PNKD: variants seen among roughly 807,000 people sequenced by gnomAD.
The protein encoded by PNKD is PNKD metallo-beta-lactamase domain containing.
PNKD carries 36 observed loss-of-function variants against 45.3 expected under a neutral mutation model. That is an observed-to-expected ratio of 0.80 (90% CI 0.61 to 1.05). PNKD has a LOEUF of 1.05. PNKD is among the 50% of genes least tolerant of loss of function. The pLI, the probability that PNKD is intolerant of heterozygous loss-of-function variation, is 0.00. For synonymous variants in PNKD, 197 were observed against 210.1 expected, an observed-to-expected ratio of 0.94 and a Z score of 0.54; for missense variants, 511 against 506.6, an observed-to-expected ratio of 1.01 and a Z score of -0.08.
chr2:218,279,468 G>T, intron 2 of PNKD: 3 of 893,748 alleles, frequency 3.4e-6, no homozygotes, highest in Non-Finnish European at 4.9e-6. Context: ...CTGCAGCCTG[G>T]CCCAGAGGCG....
At chr2:218,314,154 C>A (rs1311861894) in intron 2 of PNKD, among the ~76,000 whole-genome samples, 1 of 150,088 alleles carries the variant, frequency 6.7e-6, no homozygotes, top group Non-Finnish European at 1.5e-5. Context: ...AACTCCCAGC[C>A]TCAGGTGATC....
At chr2:218,335,657 A>G (rs1252362309) in intron 2 of PNKD, among the ~76,000 whole-genome samples, 1 of 152,146 alleles carries the variant, frequency 6.6e-6, no homozygotes, top group Non-Finnish European at 1.5e-5. Context: ...CAAAAAAAAA[A>G]GAAGGCCTAC....
chr2:218,271,962 G>A (rs1159495058), intron 2 of PNKD, among the ~76,000 whole-genome samples: 1 of 152,204 alleles, frequency 6.6e-6, no homozygotes, highest in Non-Finnish European at 1.5e-5. Flanking sequence ...ATATTAAAGA[G>A]AAAGGAGGAA....
rs1693126109 is a variant in PNKD, at chr2:218,295,782, G to T, written c.236+24233G>T. ...GCTCTGGTGGTGCCCCTGGGGTAGG[G>T]TTCCAGCTTTAGCAAATAAAGATGC... On this transcript the variant is annotated intron_variant, in intron 2 of 9. Coordinates refer to ENST00000273077, the MANE Select transcript of PNKD (RefSeq NM_015488.5). 2.0e-5 allele frequency among the ~76,000 whole-genome samples: 3 copies of T among 151,868 alleles called. No individual in the cohort carries two copies. In the South Asian group the frequency reaches 6.2e-4, roughly 31 times the overall value.
chr2:218,272,735 T>C, intron 2 of PNKD: 1 of 1,614,086 alleles, frequency 6.2e-7, no homozygotes, highest in South Asian at 1.1e-5. Flanking sequence ...CCCCGTCCCC[T>C]GATGTTGGGT....
intron 2 of PNKD, among the ~76,000 whole-genome samples, chr2:218,325,279 C>T (rs988178537): frequency 1.3e-4 from 18 of 139,594 alleles, no homozygotes; most frequent in African/African-American, 4.5e-4. Flanking sequence ...ACAATCTCAG[C>T]TCACTGCAAC....
intron 2 of PNKD, chr2:218,280,064 A>G: frequency 6.2e-7 from 1 of 1,613,584 alleles, no homozygotes. Flanking sequence ...CGGTCATCCC[A>G]CTCTCCAGGC....
At chr2:218,342,238 T>C in intron 7 of PNKD, 94 bp downstream of exon 7, 1 of 1,035,802 alleles carries the variant, frequency 9.7e-7, no homozygotes, top group South Asian at 1.3e-5. Flanking sequence ...AAGCCTTAGT[T>C]TTAGCACAGA....
Position 218,340,168 on chromosome 2 carries a change from T to C in PNKD, c.465+27T>C. 1 of 1,441,462 alleles carries C rather than the reference T, an allele frequency of 6.9e-7. No individual in the cohort carries two copies. Among genetic ancestry groups the C allele is most frequent in the Non-Finnish European group, 9.8e-7 (1 of 1,024,834 alleles). 89.3% of individuals were successfully genotyped at this position (1,441,462 alleles called of 1,614,324 possible). A position where few individuals can be genotyped will look rare whatever the true frequency, so the allele number is the denominator to read the frequency against. ...TGAGGGGAGGGCAGGGAGCAGGGGG[T>C]GCCTGGAGTCACCTTGGGGACTGGC... On this transcript the variant is annotated intron_variant, in intron 4 of 9. Transcript: ENST00000273077. The surrounding 1 kb of genome is among the most constrained non-coding windows in gnomAD (Gnocchi z 4.2).
At chr2:218,307,761 A>G (rs1693461708) in intron 2 of PNKD, among the ~76,000 whole-genome samples, 1 of 152,150 alleles carries the variant, frequency 6.6e-6, no homozygotes, top group South Asian at 2.1e-4. Context: ...GTAGCCTGTA[A>G]GTGGTGAATT....
chr2:218,341,787 A>C lies in PNKD; in HGVS notation c.617+161A>C, dbSNP rs1468686685. 3 of 768,608 alleles carry C rather than the reference A, an allele frequency of 3.9e-6. No homozygotes were observed. The African/African-American group carries it at 5.2e-5, about 13-fold the overall frequency. The allele number at this position is 768,608 out of a possible 1,614,324, so 47.6% of individuals were successfully genotyped here. On this transcript the variant is annotated intron_variant, in intron 6 of 9. Coordinates refer to ENST00000273077, the MANE Select transcript of PNKD (RefSeq NM_015488.5). ...TGAAGACTGGCACTGCCCATCCCCC[A>C]ACTGATCCAGCCATAGTCCCCAAAA...
chr2:218,343,485 C>G lies in PNKD; in HGVS notation c.782-15C>G, dbSNP rs1694740535. Reference sequence around the variant, plus strand: ...ATCCTGGCACCTTGTGACATACCCTCCAACCCCCACCCAGGGCGGACCTTT... The same window carrying G: ...ATCCTGGCACCTTGTGACATACCCTGCAACCCCCACCCAGGGCGGACCTTT... On this transcript the variant is annotated splice_polypyrimidine_tract_variant and intron_variant, in intron 7 of 9. Transcript: ENST00000273077. 6 of 1,607,522 alleles carry G rather than the reference C, an allele frequency of 3.7e-6. No individual in the cohort carries two copies. Among genetic ancestry groups the G allele is most frequent in the Non-Finnish European group, 5.1e-6 (6 of 1,175,092 alleles).
At chr2:218,278,993 G>T in intron 2 of PNKD, 2 of 1,609,554 alleles carry the variant, frequency 1.2e-6, no homozygotes, top group Non-Finnish European at 1.7e-6. Context: ...AACAGAAGCT[G>T]CCACCCCTGC....
rs147875868 is a variant in PNKD at position 218,337,931 on chromosome 2, G to A, written c.237-1852G>A. ...TGGGAGGCCAAGGTGGGCAAATCAC[G>A]AGGTCAAGAGATCGAGACCATCCTG... On this transcript the variant is annotated intron_variant, in intron 2 of 9. Transcript: ENST00000273077. Among the ~76,000 whole-genome samples the A allele has an allele frequency of 1.7e-3, 262 of 150,654 alleles. 6 individuals carry two copies. The East Asian group carries it at 0.044, about 25-fold the overall frequency.
intron 2 of PNKD, among the ~76,000 whole-genome samples, chr2:218,311,208 A>G (rs1693606559): frequency 6.6e-6 from 1 of 152,196 alleles, no homozygotes. Context: ...ACCTGGAGCC[A>G]TTGATCTGAT....
chr2:218,330,732 G>A (rs1694293174), intron 2 of PNKD, among the ~76,000 whole-genome samples: 1 of 152,384 alleles, frequency 6.6e-6, no homozygotes, highest in Middle Eastern at 3.4e-3. Context: ...TCTAGGAAGA[G>A]GGAGGAGGAG....
chr2:218,287,963 T>A (rs1692652118), intron 2 of PNKD, among the ~76,000 whole-genome samples: 1 of 152,222 alleles, frequency 6.6e-6, no homozygotes, highest in African/African-American at 2.4e-5. Context: ...CAGGATGGCC[T>A]GGGAGTACAG....
intron 2 of PNKD, among the ~76,000 whole-genome samples, chr2:218,315,909 G>A (rs1693799194): frequency 6.6e-6 from 1 of 152,224 alleles, no homozygotes. Context: ...ACAATCATAA[G>A]CATGTATCTT....
intron 7 of PNKD, 112 bp downstream of exon 7, chr2:218,342,256 G>T (rs34490131): frequency 1.1e-6 from 1 of 878,044 alleles, no homozygotes; most frequent in Non-Finnish European, 1.8e-6. Context: ...AGATGTTGCC[G>T]TGGCAGTTAC....
Sources: gnomAD v4.1 joint callset for allele counts (sites outside exome capture counted in the v4.1 genomes callset) on GRCh38, gnomAD v4.1.1 for gene constraint, Gnocchi (gnomAD v3.1) non-coding constraint, MANE v1.5 for transcripts, NCBI Gene and HGNC (gene_info 2026-07-23, HGNC 2026-07-21) for gene names.